GSE1: variants seen among roughly 807,000 people sequenced by gnomAD.
The protein encoded by GSE1 is genetic suppressor element 1.
GSE1 carries 32 observed loss-of-function variants against 112.6 expected under a neutral mutation model. The observed-to-expected ratio is 0.28, with a 90% CI of 0.21 to 0.38. The LOEUF is 0.38. GSE1 is among the 10% of genes least tolerant of loss of function. The pLI is 1.00. For missense variants in GSE1, 2,348 were observed against 1,699.2 expected (o/e 1.38, Z -6.71); for synonymous variants, 1,115 against 735.6 (o/e 1.52, Z -8.35).
At chr16:85,470,354 C>T (rs2050251876) in intron 2 of GSE1, among the ~76,000 whole-genome samples, 1 of 152,182 alleles carries the variant, frequency 6.6e-6, no homozygotes, top group African/African-American at 2.4e-5. Flanking sequence ...AAGCTCAGCA[C>T]ACCACTGGGC....
At chr16:85,192,917 C>T (rs1250034860) in intron 1 of GSE1, among the ~76,000 whole-genome samples, 3 of 152,334 alleles carry the variant, frequency 2.0e-5, no homozygotes, top group East Asian at 3.9e-4. Flanking sequence ...AGAGTGACCC[C>T]TGTTCTTGGT....
At chr16:85,351,686 A>G (rs1301426153) in intron 1 of GSE1, among the ~76,000 whole-genome samples, 1 of 152,226 alleles carries the variant, frequency 6.6e-6, no homozygotes, top group Non-Finnish European at 1.5e-5. Flanking sequence ...ATCTCAATAA[A>G]GCATTTTTTA....
intron 2 of GSE1, among the ~76,000 whole-genome samples, chr16:85,372,797 G>A (rs576687316): frequency 1.3e-5 from 2 of 152,238 alleles, no homozygotes; most frequent in African/African-American, 2.4e-5. Context: ...CACCACCCTC[G>A]GTGGGCACCA....
At chr16:85,398,321 G>C (rs2048014396) in intron 2 of GSE1, among the ~76,000 whole-genome samples, 1 of 152,192 alleles carries the variant, frequency 6.6e-6, no homozygotes, top group South Asian at 2.1e-4. Flanking sequence ...ACTGAGGCCT[G>C]AGGGGTCGCA....
At chr16:85,589,194 CCACTCTG>C (rs2046850773) in intron 1 of GSE1, among the ~76,000 whole-genome samples, 1 of 152,218 alleles carries the variant, frequency 6.6e-6, no homozygotes, top group East Asian at 1.9e-4. Context: ...ACGTTGGTGA[CCACTCTG>C]CACCCCAGAC....
At chr16:85,242,368 C>A (rs1905236965) in intron 1 of GSE1, among the ~76,000 whole-genome samples, 1 of 152,210 alleles carries the variant, frequency 6.6e-6, no homozygotes, top group Admixed American at 6.5e-5. Flanking sequence ...CTCCCCGCAC[C>A]CCCATGCAGG....
chr16:85,283,178 G>A (rs2044906446), intron 1 of GSE1: 1 of 152,838 alleles, frequency 6.5e-6, no homozygotes, highest in Non-Finnish European at 1.5e-5. Context: ...GCCCAACCTG[G>A]GAGGTACTAG....
intron 2 of GSE1, among the ~76,000 whole-genome samples, chr16:85,487,753 A>C (rs1335513481): frequency 7.1e-6 from 1 of 141,254 alleles, no homozygotes; most frequent in Non-Finnish European, 1.6e-5. Context: ...TGGGGGAAGG[A>C]GGTGGGTCGT....
At chr16:85,458,027 A>C (rs1210239769) in intron 2 of GSE1, among the ~76,000 whole-genome samples, 2 of 152,186 alleles carry the variant, frequency 1.3e-5, no homozygotes, top group Non-Finnish European at 2.9e-5. Context: ...CAGTGACCCC[A>C]TCCTGGTGCA....
intron 1 of GSE1, among the ~76,000 whole-genome samples, chr16:85,605,044 C>G (rs1232058069): frequency 2.0e-5 from 3 of 149,978 alleles, no homozygotes; most frequent in Non-Finnish European, 4.4e-5. Flanking sequence ...GTCTCGATCT[C>G]CTGACCTTGT....
intron 1 of GSE1, among the ~76,000 whole-genome samples, chr16:85,315,755 A>G (rs1052605072): frequency 2.0e-5 from 3 of 152,268 alleles, no homozygotes; most frequent in Non-Finnish European, 4.4e-5. Flanking sequence ...TACTTATACT[A>G]AAAACGTATT....
chr16:85,310,513 C>G lies in GSE1; in HGVS notation c.2284-46950C>G, dbSNP rs575604014. Among the ~76,000 whole-genome samples, 31 of 151,288 alleles carry G rather than the reference C, an allele frequency of 2.0e-4. No individual in the cohort carries two copies. In the South Asian group the frequency reaches 2.9e-3, roughly 14 times the overall value. On this transcript the variant is annotated intron_variant, in intron 1 of 2. Transcript: ENST00000637419. ...GTGCTCTTCTTCTCTGCCCCTCCCC[C>G]CTCCTCCCACCTCCTCCTTCTCCCC...
exon 1 of GSE1, chr16:85,170,816 A>T (rs2143114695): frequency 1.0e-6 from 1 of 985,552 alleles, no homozygotes; most frequent in South Asian, 4.7e-5. Context: ...TCCCTCACGC[A>T]GCAGTGGCAG....
intron 2 of GSE1, among the ~76,000 whole-genome samples, chr16:85,637,861 GGCCAGCTCA>G (rs984028861): frequency 6.6e-6 from 1 of 152,178 alleles, no homozygotes; most frequent in Non-Finnish European, 1.5e-5. Flanking sequence ...CGGCTGAGCT[GGCCAGCTCA>G]GCGGCCCGCA....
chr16:85,531,974 G>A (rs565930272), intron 2 of GSE1, among the ~76,000 whole-genome samples: 50 of 152,198 alleles, frequency 3.3e-4, no homozygotes, highest in Non-Finnish European at 5.9e-4. Context: ...CGCGAGTAGG[G>A]GGGCAGGCAG....
chr16:85,268,110 G>T (rs16975448), intron 1 of GSE1, among the ~76,000 whole-genome samples: 7 of 151,910 alleles, frequency 4.6e-5, no homozygotes, highest in Admixed American at 4.6e-4. Context: ...GCGGTCTGCT[G>T]TGATGCCTCT....
rs1462010007 is a variant in GSE1 at position 85,294,390 on chromosome 16, G to T, written c.2284-63073G>T. On this transcript the variant is annotated intron_variant, in intron 1 of 2. Coordinates refer to the GSE1 transcript ENST00000637419. The stretch of plus-strand genomic sequence containing the variant: ...ACTCTGAGTGACTCGTGCAGGCCCT[G>T]CTGGCCCTTGTCCCAGCTGCGTGGT... Among the ~76,000 whole-genome samples, 3 of 152,220 alleles carry T rather than the reference G, an allele frequency of 2.0e-5. No individual in the cohort carries two copies. In the South Asian group the frequency reaches 6.2e-4, roughly 32 times the overall value.
In GSE1 at chr16:85,400,834, C is replaced by T. The variant is rs117806171; in HGVS notation, c.2464+43191C>T. 3.7e-3 allele frequency among the ~76,000 whole-genome samples: 485 copies of T among 132,730 alleles called. 5 individuals are homozygous for T. The East Asian group carries it at 0.051, about 14-fold the overall frequency. The allele number at this position is 132,730 out of a possible 152,430, so 87.1% of individuals were successfully genotyped here. On this transcript the variant is annotated intron_variant, in intron 2 of 2. Transcript: ENST00000637419. ...TTTTGTGTCTGTGATTATGTGTTTG[C>T]GTGTGGTGTGTGTGTCTCTGGGTCT...
chr16:85,343,436 C>T (rs2151544258), intron 1 of GSE1, among the ~76,000 whole-genome samples: 1 of 152,242 alleles, frequency 6.6e-6, no homozygotes, highest in African/African-American at 2.4e-5. Context: ...CAGCTGCAAA[C>T]AAATCTGCAG....
Sources: allele counts gnomAD v4.1 joint callset (sites outside exome capture counted in the v4.1 genomes callset), GRCh38; gene constraint gnomAD v4.1.1; transcripts MANE v1.5; gene names NCBI Gene and HGNC (gene_info 2026-07-23, HGNC 2026-07-21).